WDR73: variants seen among roughly 807,000 people sequenced by gnomAD.
WDR73 encodes WD repeat domain 73.
A neutral mutation model predicts 38.2 loss-of-function variants in WDR73; 30 were observed. The observed-to-expected ratio is 0.79, with a 90% CI of 0.59 to 1.06. The LOEUF is 1.06. Ranked by LOEUF, WDR73 falls within the 50% of genes least tolerant of loss-of-function variation. The probability of loss-of-function intolerance (pLI) is 0.00; values close to 1 mark genes in which losing one functional copy is unlikely to be tolerated. For synonymous variants in WDR73, 197 were observed against 176.0 expected, an observed-to-expected ratio of 1.12 and a Z score of -0.94; for missense variants, 487 against 467.0, an observed-to-expected ratio of 1.04 and a Z score of -0.40.
intron 3 of WDR73, 144 bp from the exon 4 acceptor site, chr15:84,648,769 T>C (rs1293675939): frequency 3.2e-5 from 21 of 661,432 alleles, no homozygotes; most frequent in Non-Finnish European, 5.1e-5. Context: ...TCCTGGTATT[T>C]GGCAATGTTG....
rs1387486697 is a variant in WDR73, at chr15:84,640,515, T to C, written c.*2955A>G. 6.6e-6 allele frequency: 1 copy of C among 152,118 alleles called. No individual in the cohort carries two copies. The highest frequency in any genetic ancestry group is 1.5e-5 in the Non-Finnish European group (1 of 68,046). The allele number at this position is 152,118 out of a possible 1,614,324, so 9.4% of individuals were successfully genotyped here. On this transcript the variant is annotated 3_prime_UTR_variant, in exon 8 of 8. Coordinates refer to ENST00000434634, the MANE Select transcript of WDR73 (RefSeq NM_032856.5). ...AGGAGAGAAAGGTAGGAGTTAAAGA[T>C]CCAGTCATTTGTTTCCATCTAAAGT...
intron 5 of WDR73, chr15:84,646,611 C>G (rs1380258656): frequency 3.3e-5 from 12 of 365,546 alleles, no homozygotes; most frequent in Non-Finnish European, 1.4e-5. Flanking sequence ...ACCCAAAAAG[C>G]AATTCTGGCT....
intron 7 of WDR73, 101 bp from the exon 8 acceptor site, chr15:84,643,824 C>T: frequency 7.3e-7 from 1 of 1,368,424 alleles, no homozygotes; most frequent in Non-Finnish European, 9.7e-7. Context: ...ACCATGTTGA[C>T]CAGGATGGTC....
At position 84,645,609 on chromosome 15, in the gene WDR73, G is replaced by A. The variant is rs375811228; in HGVS notation, c.745C>T (p.Arg249Cys). 37 of 1,609,034 alleles carry A rather than the reference G, an allele frequency of 2.3e-5. No individual in the cohort carries two copies. Among genetic ancestry groups the A allele is most frequent in the East Asian group, 6.7e-5 (3 of 44,692 alleles). ...TCCCGGGGGTCAAGAAGACAAAGAC[G>A]CCCATCTGAGCCAAGGCTGGCAATG... Reference protein sequence around the residue: ...PSIASLGSDGRLCLLDPRDLC... With the variant: ...PSIASLGSDGCLCLLDPRDLC... Residue 249 changes from arginine to cysteine, a missense_variant, in exon 7 of 8, where the codon CGT (arginine) becomes TGT (cysteine). Transcript: ENST00000434634.
intron 3 of WDR73, among the ~76,000 whole-genome samples, chr15:84,649,011 A>G (rs938918982): frequency 6.6e-5 from 10 of 152,206 alleles, no homozygotes; most frequent in Admixed American, 2.0e-4. Context: ...AAAATTAACA[A>G]TTACAACTTA....
intron 7 of WDR73, 121 bp downstream of exon 7, chr15:84,645,350 G>A: frequency 6.5e-7 from 1 of 1,542,086 alleles, no homozygotes; most frequent in East Asian, 2.5e-5. Flanking sequence ...GAATTTCTCT[G>A]TGAGCAACTT....
intron 3 of WDR73, among the ~76,000 whole-genome samples, chr15:84,651,938 G>C (rs936907766): frequency 6.6e-6 from 1 of 152,236 alleles, no homozygotes; most frequent in East Asian, 1.9e-4. Context: ...CACGATCTCA[G>C]CTCACTACAA....
chr15:84,650,673 T>G (rs995657830), intron 3 of WDR73, among the ~76,000 whole-genome samples: 1 of 152,164 alleles, frequency 6.6e-6, no homozygotes, highest in Non-Finnish European at 1.5e-5. Flanking sequence ...TGTTTTATTT[T>G]TAGTAGAGAT....
intron 2 of WDR73, chr15:84,653,375 G>C: frequency 2.6e-6 from 1 of 385,150 alleles, no homozygotes; most frequent in South Asian, 2.5e-5. Context: ...TCACCATGTT[G>C]GCCAGACTGG....
At chr15:84,646,423 C>G in intron 5 of WDR73, 75 bp from the exon 6 acceptor site, 1 of 1,529,980 alleles carries the variant, frequency 6.5e-7, no homozygotes, top group East Asian at 2.3e-5. Context: ...CAGCTGTCTT[C>G]CCCTGTACAT....
chr15:84,648,027 C>A, intron 4 of WDR73, 73 bp from the exon 5 acceptor site: 1 of 1,396,346 alleles, frequency 7.2e-7, no homozygotes, highest in Middle Eastern at 1.8e-4. Context: ...CTTTCCAGCA[C>A]ACTTAGCTTG....
chr15:84,645,861 C>T, intron 6 of WDR73, 25 bp from the exon 7 acceptor site: 1 of 1,613,248 alleles, frequency 6.2e-7, no homozygotes, highest in Admixed American at 1.7e-5. Flanking sequence ...GCAAAGGAGA[C>T]AAGCGGCTGG....
In WDR73 at chr15:84,643,645, A is replaced by C. The variant is rs760394400; in HGVS notation, c.962T>G (p.Val321Gly). 64 of 1,612,194 alleles carry C rather than the reference A, an allele frequency of 4.0e-5. No homozygotes were observed. Among genetic ancestry groups the C allele is most frequent in the Non-Finnish European group, 5.3e-5 (62 of 1,179,174 alleles). ...TRSQDGTRSQ[V>G]EPLFTHRGHI... is the part of the protein sequence containing the mutation. ...ACCTCTGTGAGTGAAGAGAGGTTCT[A>C]CTTGGCTCCGTGTTCCATCTTGGCT... is the stretch of plus-strand genomic sequence containing the variant. The change falls in exon 8 of 8, where the codon GTA becomes GGA. Residue 321 changes from valine to glycine, a missense_variant. Transcript: ENST00000434634.
rs1402561540 is a variant in WDR73, at chr15:84,642,957, C to T, written c.*513G>A. ...GAAATGTTTGTGGGGCCACCAAAAG[C>T]AAATGTCTCTTGAACCTAGTCACCT... On this transcript the variant is annotated 3_prime_UTR_variant, in exon 8 of 8. Coordinates refer to ENST00000434634, the MANE Select transcript of WDR73 (RefSeq NM_032856.5). The T allele has an allele frequency of 6.4e-6, 1 of 156,706 alleles. No homozygotes were observed. Among genetic ancestry groups the T allele is most frequent in the African/African-American group, 2.4e-5 (1 of 41,450 alleles). The allele number at this position is 156,706 out of a possible 1,614,324, so 9.7% of individuals were successfully genotyped here. A position where few individuals can be genotyped will look rare whatever the true frequency, so the allele number is the denominator to read the frequency against.
Position 84,654,259 on chromosome 15 carries a change from C to T in WDR73, c.16G>A (p.Asp6Asn), listed in dbSNP as rs757624021. The change falls in exon 1 of 8, where the codon GAC (aspartate) becomes AAC (asparagine). Residue 6 changes from aspartate to asparagine, a missense_variant. Coordinates refer to ENST00000434634, the MANE Select transcript of WDR73 (RefSeq NM_032856.5). ...AAGCGCAAGGATTCCACCAGCCAGT[C>T]GTCCCCAGGATCCATGGCAACGACC... Reference protein sequence around the residue: MDPGDDWLVESLRLYQ... With the variant: MDPGDNWLVESLRLYQ... 2 of 1,613,962 alleles carry T rather than the reference C, an allele frequency of 1.2e-6. No homozygotes were observed. Among genetic ancestry groups the T allele is most frequent in the Non-Finnish European group, 1.7e-6 (2 of 1,179,826 alleles).
chr15:84,647,829 CAG>C, intron 5 of WDR73, 59 bp downstream of exon 5: 1 of 1,512,490 alleles, frequency 6.6e-7, no homozygotes, highest in Admixed American at 1.7e-5. Flanking sequence ...GATTAGGGGA[CAG>C]GGGTGTATGA....
chr15:84,654,113 G>GC lies in WDR73; in HGVS notation c.41+120dup. ...CAGGCGGAGTCCTCCACGGTGGCGA[G>GC]CCCCGAGGCCACAGCTGGCCCACTC... On this transcript the variant is annotated intron_variant, in intron 1 of 7. Coordinates refer to ENST00000434634, the MANE Select transcript of WDR73 (RefSeq NM_032856.5). 3 of 1,346,030 alleles carry GC rather than the reference G, an allele frequency of 2.2e-6. No individual in the cohort carries two copies. In the Admixed American group the frequency reaches 5.3e-5, roughly 24 times the overall value. 83.4% of individuals were successfully genotyped at this position (1,346,030 alleles called of 1,614,324 possible). A position where few individuals can be genotyped will look rare whatever the true frequency, so the allele number is the denominator to read the frequency against.
In WDR73 at chr15:84,643,392, C is replaced by A; in HGVS notation, c.*78G>T. The A allele has an allele frequency of 6.7e-7, 1 of 1,502,046 alleles. No homozygotes were observed. The highest frequency in any genetic ancestry group is 8.9e-7 in the Non-Finnish European group (1 of 1,119,258). The allele number at this position is 1,502,046 out of a possible 1,614,324, so 93.0% of individuals were successfully genotyped here. A position where few individuals can be genotyped will look rare whatever the true frequency, so the allele number is the denominator to read the frequency against. On this transcript the variant is annotated 3_prime_UTR_variant, in exon 8 of 8. Coordinates refer to ENST00000434634, the MANE Select transcript of WDR73 (RefSeq NM_032856.5). ...AGCTGGTAACAGGGACTGGTAGTCA[C>A]TTGAGTCCTACATGAGCACCCTTGC...
At chr15:84,651,423 T>C (rs866186235) in intron 3 of WDR73, among the ~76,000 whole-genome samples, 1 of 152,074 alleles carries the variant, frequency 6.6e-6, no homozygotes, top group Admixed American at 6.5e-5. Flanking sequence ...CAAGCCCTTG[T>C]CTCAAAACAA....
Sources: gnomAD v4.1 joint callset for allele counts (sites outside exome capture counted in the v4.1 genomes callset) on GRCh38, gnomAD v4.1.1 for gene constraint, MANE v1.5 for transcripts, NCBI Gene and HGNC (gene_info 2026-07-23, HGNC 2026-07-21) for gene names.